SORBS2: variants seen among roughly 807,000 people sequenced by gnomAD.
The protein encoded by SORBS2 is sorbin and SH3 domain containing 2.
In SORBS2, 46 loss-of-function variants were observed where a neutral mutation model predicts 97.7. That is an observed-to-expected ratio of 0.47 (90% CI 0.37 to 0.60). The LOEUF (loss-of-function observed/expected upper bound fraction) is 0.60, where lower values mean the gene tolerates loss of function less well. Ranked by LOEUF, SORBS2 falls within the 20% of genes least tolerant of loss-of-function variation. SORBS2 has a pLI of 0.00. For synonymous variants in SORBS2, 476 were observed against 473.4 expected, an observed-to-expected ratio of 1.01 and a Z score of -0.07; for missense variants, 1,316 against 1,282.3, an observed-to-expected ratio of 1.03 and a Z score of -0.40.
chr4:185,923,860 AT>A (rs1243370036), intron 1 of SORBS2, among the ~76,000 whole-genome samples: 2 of 152,232 alleles, frequency 1.3e-5, no homozygotes, highest in African/African-American at 4.8e-5. Flanking sequence ...GAAGAAAAAT[AT>A]GTCTCTTATT....
intron 12 of SORBS2, among the ~76,000 whole-genome samples, chr4:185,603,831 G>A (rs937662242): frequency 1.3e-5 from 2 of 152,176 alleles, no homozygotes; most frequent in Non-Finnish European, 2.9e-5. Context: ...CTGTCAGCCT[G>A]CAAGTCTCAG....
At chr4:185,611,667 ATC>A in intron 12 of SORBS2, 111 bp downstream of exon 24, 1 of 793,696 alleles carries the variant, frequency 1.3e-6, no homozygotes, top group South Asian at 2.0e-5. Context: ...TAATATGTAA[ATC>A]TCTTTCTCTG....
At chr4:185,942,503 A>T (rs1332941777) in intron 1 of SORBS2, among the ~76,000 whole-genome samples, 1 of 152,010 alleles carries the variant, frequency 6.6e-6, no homozygotes, top group Non-Finnish European at 1.5e-5. Context: ...GGTGCCCACC[A>T]CCATGCCCAG....
chr4:185,945,092 C>G (rs2099273929), intron 1 of SORBS2, among the ~76,000 whole-genome samples: 1 of 152,174 alleles, frequency 6.6e-6, no homozygotes, highest in Non-Finnish European at 1.5e-5. Context: ...ACGTTTTACT[C>G]AAGTTGGTGT....
intron 4 of SORBS2, among the ~76,000 whole-genome samples, chr4:185,641,720 C>G (rs1485181897): frequency 1.3e-5 from 2 of 150,880 alleles, no homozygotes; most frequent in African/African-American, 4.9e-5. Context: ...ATGCATCTTT[C>G]TAGCCTTGGT....
At chr4:185,851,889 C>T (rs1177341152) in intron 1 of SORBS2, among the ~76,000 whole-genome samples, 1 of 152,140 alleles carries the variant, frequency 6.6e-6, no homozygotes, top group Non-Finnish European at 1.5e-5. Flanking sequence ...ATTGTGGGGC[C>T]TTGTGACTGT....
intron 1 of SORBS2, among the ~76,000 whole-genome samples, chr4:185,831,924 A>C (rs1473267366): frequency 6.6e-6 from 1 of 152,254 alleles, no homozygotes; most frequent in Admixed American, 6.5e-5. Flanking sequence ...ATGGTGAAAG[A>C]TTAAATGAAG....
chr4:185,908,618 CTG>C (rs1259864289), intron 1 of SORBS2, among the ~76,000 whole-genome samples: 2 of 151,926 alleles, frequency 1.3e-5, no homozygotes, highest in East Asian at 3.9e-4. Context: ...TGAAGCTGTA[CTG>C]TGTTTCCTCA....
intron 1 of SORBS2, among the ~76,000 whole-genome samples, chr4:185,910,759 C>T (rs1384157200): frequency 6.6e-6 from 1 of 152,088 alleles, no homozygotes; most frequent in South Asian, 2.1e-4. Context: ...TATTCTATAA[C>T]CTAAATCCTG....
intron 4 of SORBS2, among the ~76,000 whole-genome samples, chr4:185,668,573 C>A (rs548407760): frequency 6.6e-6 from 1 of 152,170 alleles, no homozygotes; most frequent in Non-Finnish European, 1.5e-5. Flanking sequence ...ATGGAATATA[C>A]CCTGTAGACC....
chr4:185,693,528 C>A (rs1482920113), intron 2 of SORBS2, among the ~76,000 whole-genome samples: 1 of 152,152 alleles, frequency 6.6e-6, no homozygotes, highest in Admixed American at 6.5e-5. Flanking sequence ...GAGGCAACTT[C>A]TAAAACAAGA....
intron 1 of SORBS2, among the ~76,000 whole-genome samples, chr4:185,656,259 G>A (rs918161205): frequency 3.9e-5 from 6 of 152,144 alleles, no homozygotes; most frequent in Admixed American, 1.3e-4. Flanking sequence ...CCCAGTAACT[G>A]CTGTACAGAT....
exon 5 of SORBS2, chr4:185,662,153 G>C: frequency 6.2e-7 from 1 of 1,614,200 alleles, no homozygotes; most frequent in Non-Finnish European, 8.5e-7. Context: ...GTGAGGCTGG[G>C]AGAGAATATG....
At chr4:185,834,487 T>C (rs756185308) in intron 1 of SORBS2, among the ~76,000 whole-genome samples, 14 of 152,126 alleles carry the variant, frequency 9.2e-5, no homozygotes, top group Non-Finnish European at 1.8e-4. Context: ...TCTTGAAAAG[T>C]TTACATTCAT....
At chr4:185,861,456 G>A (rs564165831) in intron 1 of SORBS2, among the ~76,000 whole-genome samples, 18 of 152,142 alleles carry the variant, frequency 1.2e-4, no homozygotes, top group Admixed American at 1.0e-3. Context: ...GTAGGTGGGA[G>A]GACAGGAAGG....
chr4:185,807,129 C>T (rs962210370), intron 1 of SORBS2, among the ~76,000 whole-genome samples: 1 of 151,874 alleles, frequency 6.6e-6, no homozygotes, highest in African/African-American at 2.4e-5. Context: ...TATAAATGAA[C>T]AGAAAAAAAC....
chr4:185,705,191 T>C (rs1469060078), intron 2 of SORBS2, among the ~76,000 whole-genome samples: 2 of 152,258 alleles, frequency 1.3e-5, no homozygotes, highest in Non-Finnish European at 2.9e-5. Flanking sequence ...AGTTGGTCGA[T>C]ATTAAAGCCT....
intron 1 of SORBS2, among the ~76,000 whole-genome samples, chr4:185,864,045 G>A (rs929223244): frequency 6.6e-6 from 1 of 152,200 alleles, no homozygotes; most frequent in Non-Finnish European, 1.5e-5. Flanking sequence ...ATAAGGTGAA[G>A]TATGCAATGG....
intron 12 of SORBS2, among the ~76,000 whole-genome samples, chr4:185,595,123 AC>A (rs1490438999): frequency 6.6e-6 from 1 of 151,982 alleles, no homozygotes; most frequent in Non-Finnish European, 1.5e-5. Context: ...TTCTTTATCC[AC>A]CCCCTTTCTA....
Sources: gnomAD v4.1 joint callset for allele counts (sites outside exome capture counted in the v4.1 genomes callset) on GRCh38, gnomAD v4.1.1 for gene constraint, MANE v1.5 for transcripts, NCBI Gene and HGNC (gene_info 2026-07-23, HGNC 2026-07-21) for gene names.